Variants in GPR155 observed in about 807,000 individuals in gnomAD.
GPR155 encodes the protein G protein-coupled receptor 155, also known as lysosomal cholesterol signaling protein.
A neutral mutation model predicts 93.1 loss-of-function variants in GPR155; 65 were observed. The observed-to-expected ratio is 0.70, with a 90% confidence interval of 0.57 to 0.86. The LOEUF (loss-of-function observed/expected upper bound fraction) is 0.86. Among genes scored for constraint, GPR155 ranks in the 40% least tolerant of loss-of-function variants. The probability of loss-of-function intolerance (pLI) is 0.00; values close to 1 mark genes in which losing one functional copy is unlikely to be tolerated. For synonymous variants in GPR155, 319 were observed against 360.1 expected (o/e 0.89, Z 1.29); for missense variants, 838 against 1,034.8 (o/e 0.81, Z 2.61).
At chr2:174,454,773 A>AGGAAGGAAAG (rs1411792503) in intron 10 of GPR155, among the ~76,000 whole-genome samples, 1 of 137,576 alleles carries the variant, frequency 7.3e-6, no homozygotes, top group Non-Finnish European at 1.6e-5. Flanking sequence ...AGGAAGGGAA[A>AGGAAGGAAAG]GGAAGGAAAG....
chr2:174,445,301 C>G (rs10168192), intron 12 of GPR155, 125 bp from the exon 13 acceptor site: 415,253 of 606,200 alleles, frequency 0.69, 145,028 homozygotes, highest in East Asian at 0.97. Flanking sequence ...CGGAAAAACA[C>G]TGAGAGAATA....
chr2:174,461,345 A>G, intron 9 of GPR155, 57 bp downstream of exon 9: 2 of 1,013,840 alleles, frequency 2.0e-6, no homozygotes, highest in Non-Finnish European at 3.1e-6. Context: ...AGCAAGGCAC[A>G]TAACGAGCTA....
At position 174,452,495 on chromosome 2, in the gene GPR155, A is replaced by T. The variant is rs188738943; in HGVS notation, c.1876+1242T>A. ...AGTTGACATAGGCCTTATCAAAAAG[A>T]GCATTTTTGGGGGTTTCCCTTTTTA... On this transcript the variant is annotated intron_variant, in intron 11 of 15. Transcript: ENST00000392552. Among the ~76,000 whole-genome samples the T allele has an allele frequency of 1.0e-3, 158 of 152,340 alleles. 1 individual carries two copies. Among genetic ancestry groups the T allele is most frequent in the South Asian group, 8.7e-3 (42 of 4,830 alleles).
intron 11 of GPR155, among the ~76,000 whole-genome samples, chr2:174,447,994 T>A (rs1419996548): frequency 6.6e-6 from 1 of 152,064 alleles, no homozygotes; most frequent in Non-Finnish European, 1.5e-5. Flanking sequence ...TTATTATCTC[T>A]TAACCTCTCA....
intron 7 of GPR155, among the ~76,000 whole-genome samples, chr2:174,462,380 G>T (rs773653272): frequency 2.8e-4 from 42 of 152,042 alleles, no homozygotes; most frequent in Non-Finnish European, 5.7e-4. Context: ...GCATGATCTT[G>T]GTTCACTGCA....
In GPR155 at chr2:174,439,935, G is replaced by A. The variant is rs1199347873; in HGVS notation, c.2275C>T (p.Arg759Cys). The A allele has an allele frequency of 4.3e-6, 7 of 1,612,676 alleles. No homozygotes were observed. Among genetic ancestry groups the A allele is most frequent in the East Asian group, 4.5e-5 (2 of 44,832 alleles). The change falls in exon 15 of 16, where the codon CGT becomes TGT. Residue 759 changes from arginine (R) to cysteine (C), a missense_variant. Transcript: ENST00000392552. ...ACAATGTTTCGGATACAGAGGTCACGGTGATAATGGATAAATTGTTGACAG... is the reference window on the plus strand; with the variant it reads ...ACAATGTTTCGGATACAGAGGTCACAGTGATAATGGATAAATTGTTGACAG... ...MTCQQFIHYH[R>C]DLCIRNIVKE...
chr2:174,465,698 T>C, intron 7 of GPR155, 87 bp downstream of exon 7: 2 of 701,920 alleles, frequency 2.8e-6, no homozygotes, highest in Non-Finnish European at 5.1e-6. Context: ...ACTACCAGAC[T>C]TCAAATAGAT....
At chr2:174,454,191 G>A (rs954209693) in intron 10 of GPR155, among the ~76,000 whole-genome samples, 2 of 152,128 alleles carry the variant, frequency 1.3e-5, no homozygotes, top group South Asian at 2.1e-4. Flanking sequence ...AGGCTGGAGT[G>A]CAGTGGCGCA....
In GPR155 at chr2:174,433,439, T is replaced by G. The variant is rs1256594432; in HGVS notation, c.*2677A>C. The G allele has an allele frequency of 2.6e-5, 4 of 152,242 alleles. 1 individual carries two copies. In the South Asian group the frequency reaches 8.3e-4, roughly 31 times the overall value. The allele number at this position is 152,242 out of a possible 1,614,324, so 9.4% of individuals were successfully genotyped here. ...TTTGTTCCAACTGTTGTGTGCTCAG[T>G]GTTCAGATTGTGTCTGGAACATGCT... On this transcript the variant is annotated 3_prime_UTR_variant, in exon 16 of 16. Coordinates refer to ENST00000392552, the MANE Select transcript of GPR155 (RefSeq NM_152529.7).
At chr2:174,442,411 G>T (rs2105669943) in intron 13 of GPR155, among the ~76,000 whole-genome samples, 1 of 152,134 alleles carries the variant, frequency 6.6e-6, no homozygotes, top group East Asian at 1.9e-4. Context: ...TACAAACCAG[G>T]GCTGAGCAGC....
At chr2:174,457,363 G>T (rs1249874981) in intron 10 of GPR155, among the ~76,000 whole-genome samples, 2 of 152,178 alleles carry the variant, frequency 1.3e-5, no homozygotes, top group African/African-American at 4.8e-5. Flanking sequence ...GAAGAGAAGA[G>T]AAGCACCATA....
At chr2:174,480,327 G>A (rs539166060) in intron 2 of GPR155, among the ~76,000 whole-genome samples, 1 of 152,070 alleles carries the variant, frequency 6.6e-6, no homozygotes, top group Admixed American at 6.6e-5. Flanking sequence ...TTTAATATGT[G>A]CAATAACTTT....
Position 174,466,616 on chromosome 2 carries a change from C to T in GPR155, c.1194G>A (p.Leu398=). The change falls in exon 6 of 16, where the codon CTG becomes CTA. Residue 398 remains leucine (L), a synonymous_variant. Transcript: ENST00000392552. ...IVSLISLIWS[L]AILLLSKKYK... ...ATTTCTTACTCAAAAGAAGAATAGCCAGAGACCAGATCTTGAAGACAAAAG... is the reference window on the plus strand; with the variant it reads ...ATTTCTTACTCAAAAGAAGAATAGCTAGAGACCAGATCTTGAAGACAAAAG... 1 of 1,572,980 alleles carries T rather than the reference C, an allele frequency of 6.4e-7. No individual in the cohort carries two copies. Among genetic ancestry groups the T allele is most frequent in the Non-Finnish European group, 8.7e-7 (1 of 1,147,722 alleles).
chr2:174,460,477 T>C (rs1464339717), intron 9 of GPR155, among the ~76,000 whole-genome samples: 2 of 152,254 alleles, frequency 1.3e-5, no homozygotes, highest in Non-Finnish European at 2.9e-5. Flanking sequence ...AGGGCACGTT[T>C]TTGATGGACA....
intron 15 of GPR155, among the ~76,000 whole-genome samples, chr2:174,439,345 T>A (rs906175002): frequency 3.3e-5 from 5 of 152,094 alleles, no homozygotes; most frequent in South Asian, 2.1e-4. Context: ...TATAAAAAAA[T>A]TTTTTTCCTC....
In GPR155 at chr2:174,432,174, A is replaced by G. The variant is rs1196192770; in HGVS notation, c.*3942T>C. On this transcript the variant is annotated 3_prime_UTR_variant, in exon 16 of 16. Transcript: ENST00000392552. ...CCATTTAAGAAAACATTGAGAATGT[A>G]TAGAAAAGACCTCTATGATGGCTTC... The G allele has an allele frequency of 6.5e-6, 1 of 152,676 alleles. No homozygotes were observed. The highest frequency in any genetic ancestry group is 1.5e-5 in the Non-Finnish European group (1 of 68,046). The allele number at this position is 152,676 out of a possible 1,614,324, so 9.5% of individuals were successfully genotyped here. A position where few individuals can be genotyped will look rare whatever the true frequency, so the allele number is the denominator to read the frequency against.
chr2:174,464,127 G>C (rs896232544), intron 7 of GPR155, among the ~76,000 whole-genome samples: 14 of 152,208 alleles, frequency 9.2e-5, no homozygotes, highest in African/African-American at 3.4e-4. Flanking sequence ...CACTGAAGCT[G>C]TGAGAGCTCC....
At chr2:174,469,312 C>G (rs1687927779) in intron 4 of GPR155, among the ~76,000 whole-genome samples, 1 of 152,000 alleles carries the variant, frequency 6.6e-6, no homozygotes, top group Non-Finnish European at 1.5e-5. Context: ...ATAATAAATA[C>G]TAGAAATTTA....
Position 174,435,555 on chromosome 2 carries a change from T to TC in GPR155, c.*560dup, listed in dbSNP as rs1362382796. The TC allele has an allele frequency of 6.6e-6, 1 of 152,328 alleles. No homozygotes were observed. Among genetic ancestry groups the TC allele is most frequent in the Non-Finnish European group, 1.5e-5 (1 of 68,170 alleles). 9.4% of individuals were successfully genotyped at this position (152,328 alleles called of 1,614,324 possible). A position where few individuals can be genotyped will look rare whatever the true frequency, so the allele number is the denominator to read the frequency against. ...GGCACGATCTCGGCTCACAGCAACCTCTGCCTCCCAGATTCAAGCGATTCT... is the reference window on the plus strand; with the variant it reads ...GGCACGATCTCGGCTCACAGCAACCTCCTGCCTCCCAGATTCAAGCGATTCT... On this transcript the variant is annotated 3_prime_UTR_variant, in exon 16 of 16. Coordinates refer to ENST00000392552, the MANE Select transcript of GPR155 (RefSeq NM_152529.7).
Sources: gnomAD v4.1 joint callset for allele counts (sites outside exome capture counted in the v4.1 genomes callset) on GRCh38, gnomAD v4.1.1 for gene constraint, MANE v1.5 for transcripts, NCBI Gene and HGNC (gene_info 2026-07-23, HGNC 2026-07-21) for gene names.